The following EML6 variants were observed in gnomAD, a reference collection of about 807,000 sequenced individuals.
The protein encoded by EML6 is EMAP like 6, also known as echinoderm microtubule-associated protein-like 6.
EML6 carries 154 observed loss-of-function variants against 240.1 expected under a neutral mutation model. That is an observed-to-expected ratio of 0.64 (90% CI 0.56 to 0.73). The LOEUF is 0.73. EML6 is among the 30% of genes least tolerant of loss of function. The pLI is 0.00. For synonymous variants in EML6, 1,148 were observed against 899.0 expected (o/e 1.28, Z -4.95); for missense variants, 2,964 against 2,474.6 (o/e 1.20, Z -4.20).
At chr2:54,912,474 A>G (rs2104295266) in intron 25 of EML6, among the ~76,000 whole-genome samples, 1 of 152,238 alleles carries the variant, frequency 6.6e-6, no homozygotes, top group South Asian at 2.1e-4. Flanking sequence ...GGTCTGTTGT[A>G]TGACACTGAG....
At chr2:54,868,617 G>T (rs1215601788) in intron 14 of EML6, 1 of 152,232 alleles carries the variant, frequency 6.6e-6, no homozygotes, top group Non-Finnish European at 1.5e-5. Context: ...TAATCTTTCA[G>T]CTGGTAATTC....
intron 25 of EML6, among the ~76,000 whole-genome samples, chr2:54,912,160 G>A (rs1558678831): frequency 6.6e-6 from 1 of 152,186 alleles, no homozygotes; most frequent in Non-Finnish European, 1.5e-5. Flanking sequence ...TGTAAAGGAA[G>A]TATATGTGTA....
intron 7 of EML6, among the ~76,000 whole-genome samples, chr2:54,831,199 G>C (rs1380073251): frequency 6.6e-6 from 1 of 152,192 alleles, no homozygotes; most frequent in Non-Finnish European, 1.5e-5. Context: ...GATGGGATTA[G>C]TGACCATAAA....
intron 7 of EML6, among the ~76,000 whole-genome samples, chr2:54,835,059 T>G (rs1263447937): frequency 6.6e-6 from 1 of 152,222 alleles, no homozygotes; most frequent in African/African-American, 2.4e-5. Flanking sequence ...CTTCTCCCTC[T>G]GCCTGTGACA....
intron 25 of EML6, among the ~76,000 whole-genome samples, chr2:54,913,071 G>GTTTTTTTTTTTTTTT (rs1216432893): frequency 2.4e-5 from 3 of 125,730 alleles, no homozygotes; most frequent in Non-Finnish European, 3.3e-5. Context: ...GCCAGATTCT[G>GTTTTTTTTTTTTTTT]TTTTTTTTTT....
At chr2:54,904,816 C>T (rs926831932) in intron 24 of EML6, among the ~76,000 whole-genome samples, 8 of 152,106 alleles carry the variant, frequency 5.3e-5, no homozygotes, top group Non-Finnish European at 1.2e-4. Flanking sequence ...ATCAGGAGAA[C>T]GATGATGAAG....
At chr2:54,949,294 A>G (rs962094620) in intron 29 of EML6, among the ~76,000 whole-genome samples, 1 of 152,230 alleles carries the variant, frequency 6.6e-6, no homozygotes, top group Non-Finnish European at 1.5e-5. Context: ...AAGAAAGGAA[A>G]GAGACAGGGG....
chr2:54,907,900 TTAGA>T (rs200763117), intron 24 of EML6, among the ~76,000 whole-genome samples: 4,601 of 135,960 alleles, frequency 0.034, 180 homozygotes, highest in East Asian at 0.053. Context: ...ATTAGATAGA[TTAGA>T]TAGATAGATA....
Position 54,959,205 on chromosome 2 carries a change from C to T in EML6, c.4797C>T (p.Phe1599=). ...CCAAGGCTCACACAGGCCCCGTGTT[C>T]ACAATGTACACAACCCTTCGGGATG... ...LVAKAHTGPV[F]TMYTTLRDGL... Residue 1599 remains phenylalanine, a synonymous_variant, in exon 34 of 42, where the codon TTC becomes TTT. Transcript: ENST00000356458. 1 of 1,551,606 alleles carries T rather than the reference C, an allele frequency of 6.4e-7. No homozygotes were observed. Among genetic ancestry groups the T allele is most frequent in the South Asian group, 1.2e-5 (1 of 84,044 alleles).
chr2:54,894,513 A>T (rs1157337663), intron 19 of EML6, among the ~76,000 whole-genome samples: 1 of 152,226 alleles, frequency 6.6e-6, no homozygotes, highest in African/African-American at 2.4e-5. Flanking sequence ...CAATAATTTT[A>T]AACTGTGATG....
intron 28 of EML6, among the ~76,000 whole-genome samples, chr2:54,940,363 T>G (rs570484824): frequency 3.6e-4 from 55 of 152,348 alleles, no homozygotes; most frequent in Non-Finnish European, 6.2e-4. Flanking sequence ...CAGAGATTTT[T>G]TTTGTTTGTT....
chr2:54,886,160 CTTTTT>C (rs869107962), intron 17 of EML6, among the ~76,000 whole-genome samples: 1 of 82,216 alleles, frequency 1.2e-5, no homozygotes, highest in Non-Finnish European at 2.4e-5. Flanking sequence ...TTTTAACCTT[CTTTTT>C]TTTTTTTTTT....
At chr2:54,753,805 G>T (rs1303942773) in intron 2 of EML6, among the ~76,000 whole-genome samples, 1 of 151,402 alleles carries the variant, frequency 6.6e-6, no homozygotes, top group Non-Finnish European at 1.5e-5. Context: ...CCGAGTAGTT[G>T]GGACTACAGG....
chr2:54,817,001 A>G (rs1295305629), intron 4 of EML6, 116 bp downstream of exon 4: 6 of 657,586 alleles, frequency 9.1e-6, no homozygotes, highest in African/African-American at 5.4e-5. Flanking sequence ...ATTTTTTCCT[A>G]TTAAACTTAT....
intron 2 of EML6, among the ~76,000 whole-genome samples, chr2:54,761,295 G>A (rs1269187432): frequency 2.0e-5 from 3 of 151,712 alleles, no homozygotes; most frequent in Non-Finnish European, 2.9e-5. Context: ...TAAACAATAC[G>A]CTTTGTTTCT....
chr2:54,749,781 C>T (rs188325814), intron 2 of EML6, among the ~76,000 whole-genome samples: 23 of 152,264 alleles, frequency 1.5e-4, no homozygotes, highest in African/African-American at 4.8e-4. Context: ...CGTCTCTCAC[C>T]CCACACCCCA....
chr2:54,823,884 C>CTCTCTCTCTCTCTCTG (rs1668460069), intron 5 of EML6, among the ~76,000 whole-genome samples: 2 of 146,198 alleles, frequency 1.4e-5, no homozygotes, highest in African/African-American at 2.5e-5. Flanking sequence ...CTCTTTCTGT[C>CTCTCTCTCTCTCTCTG]TCTCTCTCTC....
intron 12 of EML6, among the ~76,000 whole-genome samples, chr2:54,862,047 G>A (rs1312593359): frequency 6.6e-6 from 1 of 151,964 alleles, no homozygotes; most frequent in Non-Finnish European, 1.5e-5. Flanking sequence ...TACTTTCTCT[G>A]AGGATTGGCT....
intron 4 of EML6, 30 bp downstream of exon 4, chr2:54,816,915 A>G (rs1466393635): frequency 1.4e-6 from 2 of 1,430,410 alleles, no homozygotes; most frequent in Non-Finnish European, 1.9e-6. Flanking sequence ...AGCTATGCAG[A>G]TTTCAGAACT....
Sources: allele counts gnomAD v4.1 joint callset (sites outside exome capture counted in the v4.1 genomes callset), GRCh38; gene constraint gnomAD v4.1.1; transcripts MANE v1.5; gene names NCBI Gene and HGNC (gene_info 2026-07-23, HGNC 2026-07-21).